LUC7L2: variants seen among roughly 807,000 people sequenced by gnomAD.
The protein encoded by LUC7L2 is putative RNA-binding protein Luc7-like 2.
Under a neutral mutation model 52.8 loss-of-function variants are expected in LUC7L2, and 25 were observed. That is an observed-to-expected ratio of 0.47 (90% CI 0.34 to 0.66). The LOEUF is 0.66. LUC7L2 is among the 30% of genes least tolerant of loss of function. The pLI is 0.01. For synonymous variants in LUC7L2, 144 were observed against 160.9 expected (o/e 0.89, Z 0.80); for missense variants, 328 against 497.8 (o/e 0.66, Z 3.25).
At chr7:139,383,117 A>T (rs940802516) in intron 2 of LUC7L2, among the ~76,000 whole-genome samples, 23 of 150,902 alleles carry the variant, frequency 1.5e-4, no homozygotes, top group African/African-American at 4.4e-4. Flanking sequence ...TTTTTATTTT[A>T]TTTATTTATT....
rs1373541244 is a variant in LUC7L2 at position 139,422,202 on chromosome 7, A to G, written c.1041A>G (p.Ser347=). Reference sequence around the variant, plus strand: ...GATTCAGAGACCAAGACTTAGCATCATGTGACAGAGACAGGAGTTCAAGAG... The same window carrying G: ...GATTCAGAGACCAAGACTTAGCATCGTGTGACAGAGACAGGAGTTCAAGAG... ...KERFRDQDLA[S]CDRDRSSRDR... The change falls in exon 10 of 10, where the codon TCA becomes TCG. Residue 347 remains serine, a synonymous_variant. Transcript: ENST00000354926. 5 of 1,613,868 alleles carry G rather than the reference A, an allele frequency of 3.1e-6. No homozygotes were observed. The highest frequency in any genetic ancestry group is 3.4e-6 in the Non-Finnish European group (4 of 1,179,926).
chr7:139,390,380 C>A (rs1794393677), intron 2 of LUC7L2, among the ~76,000 whole-genome samples: 1 of 151,622 alleles, frequency 6.6e-6, no homozygotes, highest in African/African-American at 2.4e-5. Context: ...CCTGCCTCAG[C>A]CTCTTGAGTA....
chr7:139,418,111 T>G (rs1795710147), intron 9 of LUC7L2, among the ~76,000 whole-genome samples: 1 of 152,246 alleles, frequency 6.6e-6, no homozygotes, highest in Non-Finnish European at 1.5e-5. Context: ...ATTTATTGTT[T>G]TCTAAACTTA....
chr7:139,366,421 G>T (rs540810447), intron 1 of LUC7L2, among the ~76,000 whole-genome samples: 2 of 152,162 alleles, frequency 1.3e-5, no homozygotes, highest in African/African-American at 4.8e-5. Context: ...ATACCTGGCT[G>T]TTCTGTTCTG....
chr7:139,365,437 A>G (rs1316332467), intron 1 of LUC7L2, among the ~76,000 whole-genome samples: 1 of 152,174 alleles, frequency 6.6e-6, no homozygotes. Context: ...TCATATAAGG[A>G]TAGATGGTAG....
intron 1 of LUC7L2, among the ~76,000 whole-genome samples, chr7:139,367,435 C>T (rs767780475): frequency 1.3e-5 from 2 of 152,164 alleles, no homozygotes; most frequent in Non-Finnish European, 2.9e-5. Context: ...ACTCTTGTCA[C>T]TTAGGGTTCC....
chr7:139,385,758 C>A (rs1728004114), intron 2 of LUC7L2, among the ~76,000 whole-genome samples: 1 of 152,128 alleles, frequency 6.6e-6, no homozygotes, highest in Non-Finnish European at 1.5e-5. Flanking sequence ...ATATTGATTT[C>A]TTTGTACAAT....
intron 1 of LUC7L2, chr7:139,374,571 A>G: frequency 6.5e-7 from 1 of 1,545,488 alleles, no homozygotes; most frequent in Non-Finnish European, 8.7e-7. Flanking sequence ...TTATTATAGT[A>G]GCAGGCGTAA....
At chr7:139,403,770 G>C (rs1169406762) in intron 4 of LUC7L2, among the ~76,000 whole-genome samples, 1 of 152,206 alleles carries the variant, frequency 6.6e-6, no homozygotes, top group Non-Finnish European at 1.5e-5. Context: ...AGTTATTCTT[G>C]TTTCAGCTGG....
chr7:139,348,690 G>A (rs1174199071), intron 1 of LUC7L2, among the ~76,000 whole-genome samples: 1 of 151,764 alleles, frequency 6.6e-6, no homozygotes, highest in African/African-American at 2.4e-5. Flanking sequence ...CTGCACTCAA[G>A]CCTGGTGACA....
chr7:139,382,380 C>CTGTA (rs1801076666), intron 2 of LUC7L2, among the ~76,000 whole-genome samples: 1 of 151,002 alleles, frequency 6.6e-6, no homozygotes. Flanking sequence ...TTGTCACAGT[C>CTGTA]TTTATTTATT....
intron 3 of LUC7L2, among the ~76,000 whole-genome samples, chr7:139,400,743 C>G (rs954219589): frequency 6.6e-6 from 1 of 152,090 alleles, no homozygotes; most frequent in South Asian, 2.1e-4. Context: ...CTGATTAGTC[C>G]ATCTTTTCTC....
intron 2 of LUC7L2, among the ~76,000 whole-genome samples, chr7:139,385,523 G>C (rs1311342006): frequency 6.6e-6 from 1 of 151,912 alleles, no homozygotes; most frequent in Non-Finnish European, 1.5e-5. Context: ...CTCTCGCCAT[G>C]CTGTCCAGGC....
chr7:139,416,361 T>C (rs2116325541), intron 8 of LUC7L2: 1 of 152,044 alleles, frequency 6.6e-6, no homozygotes, highest in South Asian at 2.1e-4. Context: ...TTTCAAAAAA[T>C]GTCTTTATTT....
At chr7:139,414,309 C>G (rs1361354263) in intron 8 of LUC7L2, among the ~76,000 whole-genome samples, 2 of 152,146 alleles carry the variant, frequency 1.3e-5, no homozygotes, top group African/African-American at 4.8e-5. Flanking sequence ...CTGGGGTGTC[C>G]AATCTTTTGG....
At chr7:139,387,920 G>C (rs1218059168) in intron 2 of LUC7L2, among the ~76,000 whole-genome samples, 1 of 152,016 alleles carries the variant, frequency 6.6e-6, no homozygotes, top group Non-Finnish European at 1.5e-5. Flanking sequence ...GTCTGGCCTG[G>C]TTCTCTTGTT....
chr7:139,375,702 T>A, intron 1 of LUC7L2: 1 of 829,682 alleles, frequency 1.2e-6, no homozygotes, highest in Non-Finnish European at 1.5e-6. Flanking sequence ...TTAGTGGGTC[T>A]GCAAGTTGCT....
chr7:139,366,174 C>G (rs532124251), intron 1 of LUC7L2, among the ~76,000 whole-genome samples: 1 of 152,302 alleles, frequency 6.6e-6, no homozygotes, highest in African/African-American at 2.4e-5. Flanking sequence ...TTTAAAACTT[C>G]TTTCCAAAAA....
intron 2 of LUC7L2, among the ~76,000 whole-genome samples, chr7:139,379,601 G>A (rs71543324): frequency 1.9e-5 from 2 of 106,514 alleles, no homozygotes; most frequent in Admixed American, 2.8e-4. Flanking sequence ...ACAGATACTC[G>A]CTCTGTTGGC....
Sources: allele counts gnomAD v4.1 joint callset (sites outside exome capture counted in the v4.1 genomes callset), GRCh38; gene constraint gnomAD v4.1.1; transcripts MANE v1.5; gene names NCBI Gene and HGNC (gene_info 2026-07-23, HGNC 2026-07-21).